Variants in CDH10 observed in about 807,000 individuals in gnomAD.
CDH10 encodes the protein cadherin-10.
CDH10 carries 30 observed loss-of-function variants against 73.1 expected under a neutral mutation model. That is an observed-to-expected ratio of 0.41 (90% CI 0.31 to 0.56). CDH10 has a LOEUF of 0.56. CDH10 is among the 20% of genes least tolerant of loss of function. The probability of loss-of-function intolerance (pLI) is 0.27; values close to 1 mark genes in which losing one functional copy is unlikely to be tolerated. For synonymous variants in CDH10, 345 were observed against 348.2 expected (o/e 0.99, Z 0.10); for missense variants, 815 against 973.7 (o/e 0.84, Z 2.17).
In CDH10 at chr5:24,515,011, C is replaced by A. The variant is rs954143719; in HGVS notation, c.815-3497G>T. Among the ~76,000 whole-genome samples, 5 of 152,022 alleles carry A rather than the reference C, an allele frequency of 3.3e-5. No individual in the cohort carries two copies. In the South Asian group the frequency reaches 1.0e-3, roughly 32 times the overall value. ...TAAATACATTTTAATAAACCACATT[C>A]AACTAAATATTCTGACCATGCCACA... On this transcript the variant is annotated intron_variant, in intron 5 of 11. Coordinates refer to ENST00000264463, the MANE Select transcript of CDH10 (RefSeq NM_006727.5).
intron 2 of CDH10, among the ~76,000 whole-genome samples, chr5:24,541,694 C>G (rs529209363): frequency 1.8e-4 from 27 of 152,094 alleles, no homozygotes; most frequent in African/African-American, 6.0e-4. Context: ...GGTTTTAGTT[C>G]CTCAGTAACA....
At chr5:24,583,569 A>T (rs1304717355) in intron 2 of CDH10, among the ~76,000 whole-genome samples, 1 of 152,252 alleles carries the variant, frequency 6.6e-6, no homozygotes, top group Non-Finnish European at 1.5e-5. Context: ...CTGCTAATTT[A>T]TTAATCAGTG....
intron 2 of CDH10, among the ~76,000 whole-genome samples, chr5:24,574,840 A>G (rs1213363151): frequency 1.1e-5 from 1 of 93,262 alleles, no homozygotes; most frequent in Non-Finnish European, 2.9e-5. Flanking sequence ...AGATGATAGG[A>G]AAAAAAAACC....
At chr5:24,626,798 G>A (rs1013224597) in intron 1 of CDH10, among the ~76,000 whole-genome samples, 99 of 149,920 alleles carry the variant, frequency 6.6e-4, no homozygotes, top group Middle Eastern at 3.5e-3. Flanking sequence ...ATATATGTGT[G>A]TGTGTGTGTG....
intron 11 of CDH10, 118 bp downstream of exon 11, chr5:24,491,458 A>G: frequency 1.3e-6 from 1 of 744,834 alleles, no homozygotes; most frequent in Non-Finnish European, 2.2e-6. Flanking sequence ...CACAAAGTTA[A>G]TTTATGTCTA....
chr5:24,495,869 A>G (rs2111668352), intron 9 of CDH10, among the ~76,000 whole-genome samples: 1 of 142,570 alleles, frequency 7.0e-6, no homozygotes, highest in African/African-American at 2.5e-5. Context: ...AAAAAAAAAA[A>G]GAAAGAAAGA....
At chr5:24,598,181 A>T (rs1746435418) in intron 1 of CDH10, among the ~76,000 whole-genome samples, 2 of 152,006 alleles carry the variant, frequency 1.3e-5, no homozygotes, top group South Asian at 4.1e-4. Flanking sequence ...CATTTTATGC[A>T]TCTAGTCTAA....
chr5:24,629,602 T>C (rs1374095438), intron 1 of CDH10, among the ~76,000 whole-genome samples: 1 of 151,868 alleles, frequency 6.6e-6, no homozygotes, highest in Non-Finnish European at 1.5e-5. Context: ...GGAAGGGGCC[T>C]GGTGGGAGGT....
chr5:24,543,482 A>G (rs1744229193), intron 2 of CDH10, among the ~76,000 whole-genome samples: 1 of 152,188 alleles, frequency 6.6e-6, no homozygotes, highest in Non-Finnish European at 1.5e-5. Flanking sequence ...AAATTATTAA[A>G]TAGATTTTTC....
intron 1 of CDH10, among the ~76,000 whole-genome samples, chr5:24,643,605 T>C (rs536721045): frequency 2.0e-5 from 3 of 152,040 alleles, no homozygotes; most frequent in Non-Finnish European, 4.4e-5. Flanking sequence ...TTTTGGATAA[T>C]AGAAGCTTTC....
rs536769153 is a variant in CDH10, at chr5:24,633,073, A to C, written c.-124+11521T>G. On this transcript the variant is annotated intron_variant, in intron 1 of 11. Coordinates refer to ENST00000264463, the MANE Select transcript of CDH10 (RefSeq NM_006727.5). ...TATGAGCTATATACAAAGACAATTTATTTTGATCAAATTTATTCATGTTTA... is the reference window on the plus strand; with the variant it reads ...TATGAGCTATATACAAAGACAATTTCTTTTGATCAAATTTATTCATGTTTA... Among the ~76,000 whole-genome samples the C allele has an allele frequency of 7.9e-5, 12 of 150,952 alleles. No individual in the cohort carries two copies. The Admixed American group carries it at 8.0e-4, about 10-fold the overall frequency.
chr5:24,567,542 T>C (rs550034357), intron 2 of CDH10, among the ~76,000 whole-genome samples: 1 of 151,722 alleles, frequency 6.6e-6, no homozygotes, highest in East Asian at 1.9e-4. Context: ...AAGCTGGATA[T>C]GTAAGAGTGT....
At position 24,563,047 on chromosome 5, in the gene CDH10, T is replaced by C. The variant is rs77677149; in HGVS notation, c.232-25373A>G. On this transcript the variant is annotated intron_variant, in intron 2 of 11. Coordinates refer to ENST00000264463, the MANE Select transcript of CDH10 (RefSeq NM_006727.5). ...TGTTATCATAATCCAATTACCATAT[T>C]CCATTTAAACTTCACCAGTTGTTCC... Among the ~76,000 whole-genome samples, 1,494 of 152,250 alleles carry C rather than the reference T, an allele frequency of 9.8e-3. 80 individuals are homozygous for C. The East Asian group carries it at 0.13, about 14-fold the overall frequency.
intron 1 of CDH10, among the ~76,000 whole-genome samples, chr5:24,644,003 A>G (rs1748137447): frequency 6.6e-6 from 1 of 152,278 alleles, no homozygotes; most frequent in East Asian, 1.9e-4. Context: ...AAAATTGAAA[A>G]TAAGAATTCT....
At chr5:24,616,893 TA>T in intron 1 of CDH10, among the ~76,000 whole-genome samples, 1 of 152,276 alleles carries the variant, frequency 6.6e-6, no homozygotes. Flanking sequence ...ATATCTTTTT[TA>T]AAAAAATTCA....
chr5:24,504,526 T>G lies in CDH10; in HGVS notation c.1393+586A>C, dbSNP rs1217245933. Among the ~76,000 whole-genome samples, 10 of 128,002 alleles carry G rather than the reference T, an allele frequency of 7.8e-5. 1 individual carries two copies. Among genetic ancestry groups the G allele is most frequent in the East Asian group, 7.1e-4 (3 of 4,204 alleles). The allele number at this position is 128,002 out of a possible 152,430, so 84.0% of individuals were successfully genotyped here. ...TTAATCTTTTTTTTTTTTTTTTTTT[T>G]TTTTTTTTTTTTTTTTTAAGATGGA... On this transcript the variant is annotated intron_variant, in intron 8 of 11. Coordinates refer to ENST00000264463, the MANE Select transcript of CDH10 (RefSeq NM_006727.5).
chr5:24,568,781 T>C (rs563692426), intron 2 of CDH10, among the ~76,000 whole-genome samples: 3 of 152,182 alleles, frequency 2.0e-5, no homozygotes, highest in Admixed American at 6.5e-5. Context: ...AAAGAAAATA[T>C]GGTATATACA....
At chr5:24,610,632 AATCTTCATACTAAC>A (rs1746911724) in intron 1 of CDH10, among the ~76,000 whole-genome samples, 1 of 152,192 alleles carries the variant, frequency 6.6e-6, no homozygotes, top group South Asian at 2.1e-4. Context: ...TTTCTGGTGA[AATCTTCATACTAAC>A]ATCAATAAAT....
At chr5:24,606,435 A>G (rs1003175127) in intron 1 of CDH10, among the ~76,000 whole-genome samples, 1 of 152,076 alleles carries the variant, frequency 6.6e-6, no homozygotes, top group African/African-American at 2.4e-5. Context: ...ACAGGGTGAA[A>G]GCTTGTCTCT....
Sources: gnomAD v4.1 joint callset for allele counts (sites outside exome capture counted in the v4.1 genomes callset) on GRCh38, gnomAD v4.1.1 for gene constraint, MANE v1.5 for transcripts, NCBI Gene and HGNC (gene_info 2026-07-23, HGNC 2026-07-21) for gene names.